The following TRIP4 variants were observed in gnomAD, a reference collection of about 807,000 sequenced individuals.
TRIP4 encodes the protein activating signal cointegrator 1.
In TRIP4, 54 loss-of-function variants were observed where a neutral mutation model predicts 81.8. The ratio of observed to expected loss-of-function variants is 0.66; its 90% CI spans 0.53 to 0.83. The LOEUF (loss-of-function observed/expected upper bound fraction) is 0.83, where lower values mean the gene tolerates loss of function less well. TRIP4 is among the 40% of genes least tolerant of loss of function. The pLI, the probability that TRIP4 is intolerant of heterozygous loss-of-function variation, is 0.00. For missense variants in TRIP4, 662 were observed against 683.6 expected, an observed-to-expected ratio of 0.97 and a Z score of 0.35; for synonymous variants, 270 against 242.8, an observed-to-expected ratio of 1.11 and a Z score of -1.04.
chr15:64,417,467 T>TA (rs35716489), intron 8 of TRIP4, among the ~76,000 whole-genome samples: 113,357 of 152,002 alleles, frequency 0.75, 45,762 homozygotes, highest in East Asian at 0.96. Flanking sequence ...ATTAATTTTT[T>TA]AAAAAAGATA....
intron 8 of TRIP4, among the ~76,000 whole-genome samples, chr15:64,416,408 A>G (rs1891891446): frequency 6.6e-6 from 1 of 152,162 alleles, no homozygotes; most frequent in Non-Finnish European, 1.5e-5. Context: ...AAGATTGTTC[A>G]CATACCAACA....
chr15:64,402,827 G>A (rs1252160387), intron 5 of TRIP4, among the ~76,000 whole-genome samples: 2 of 150,168 alleles, frequency 1.3e-5, no homozygotes, highest in East Asian at 4.0e-4. Flanking sequence ...CACTTGGTCA[G>A]TTAAGGACAT....
intron 7 of TRIP4, among the ~76,000 whole-genome samples, chr15:64,410,716 G>A (rs900214266): frequency 6.6e-6 from 1 of 152,020 alleles, no homozygotes; most frequent in Non-Finnish European, 1.5e-5. Context: ...AAATCCTGAA[G>A]TCATGAAGAT....
chr15:64,406,323 A>AT lies in TRIP4; in HGVS notation c.698-4dup. ...TGACACCATTTGACTTCCTTATTGA[A>AT]TTTCAGGAGTGGAGAATTCTGGAAA... On this transcript the variant is annotated splice_region_variant and splice_polypyrimidine_tract_variant and intron_variant, in intron 5 of 12. Coordinates refer to ENST00000261884, the MANE Select transcript of TRIP4 (RefSeq NM_016213.5). The AT allele has an allele frequency of 6.2e-7, 1 of 1,612,524 alleles. No homozygotes were observed. The highest frequency in any genetic ancestry group is 8.5e-7 in the Non-Finnish European group (1 of 1,179,562).
intron 9 of TRIP4, among the ~76,000 whole-genome samples, chr15:64,422,973 A>G (rs1892052783): frequency 6.6e-6 from 1 of 152,222 alleles, no homozygotes. Flanking sequence ...ATTTTCCATT[A>G]TAAGAATGGG....
chr15:64,423,886 G>C (rs1339224915), intron 9 of TRIP4, 145 bp from the exon 10 acceptor site: 7 of 903,916 alleles, frequency 7.7e-6, no homozygotes, highest in Non-Finnish European at 1.2e-5. Context: ...AAGTGTTTTT[G>C]ACAAAAGATA....
At chr15:64,399,256 C>A (rs752814646) in intron 4 of TRIP4, among the ~76,000 whole-genome samples, 1 of 151,380 alleles carries the variant, frequency 6.6e-6, no homozygotes, top group African/African-American at 2.4e-5. Context: ...CTGGTGGGAC[C>A]CTTAATTTTT....
rs568552817 is a variant in TRIP4, at chr15:64,423,102, T to C, written c.1359-929T>C. 2.0e-5 allele frequency among the ~76,000 whole-genome samples: 3 copies of C among 152,336 alleles called. No individual in the cohort carries two copies. In the South Asian group the frequency reaches 6.2e-4, roughly 32 times the overall value. ...TTCTCCTGAATACATTCTGTTATTC[T>C]CTTTAGAGGTTTTTTCAAACTAGTC... is the stretch of plus-strand genomic sequence containing the variant. On this transcript the variant is annotated intron_variant, in intron 9 of 12. Coordinates refer to ENST00000261884, the MANE Select transcript of TRIP4 (RefSeq NM_016213.5).
intron 1 of TRIP4, among the ~76,000 whole-genome samples, chr15:64,390,097 TATTA>T (rs1305780542): frequency 6.8e-6 from 1 of 147,790 alleles, no homozygotes; most frequent in Non-Finnish European, 1.5e-5. Context: ...ATATATTAAA[TATTA>T]AATATATCAA....
chr15:64,445,694 T>G (rs80353708), intron 12 of TRIP4, among the ~76,000 whole-genome samples: 1 of 149,572 alleles, frequency 6.7e-6, no homozygotes, highest in Non-Finnish European at 1.5e-5. Context: ...AAAAAAAATT[T>G]ATTGTGTTCT....
chr15:64,406,459 G>A lies in TRIP4; in HGVS notation c.827G>A (p.Ser276Asn), dbSNP rs1891625728. The A allele has an allele frequency of 6.2e-7, 1 of 1,612,464 alleles. No homozygotes were observed. The highest frequency in any genetic ancestry group is 8.5e-7 in the Non-Finnish European group (1 of 1,179,598). The change falls in exon 6 of 13, where the codon AGT (serine) becomes AAT (asparagine). Residue 276 changes from serine (S) to asparagine (N), a missense_variant and splice_region_variant. Coordinates refer to ENST00000261884, the MANE Select transcript of TRIP4 (RefSeq NM_016213.5). ...KDKLLEFDRT[S>N]IRRTQVIDDE... ...AAACTGTTAGAGTTTGACAGAACTA[G>A]GTATGAAAGGGTTAGAATAACAAAT...
chr15:64,400,738 T>C lies in TRIP4; in HGVS notation c.619-5T>C. On this transcript the variant is annotated splice_region_variant and splice_polypyrimidine_tract_variant and intron_variant, in intron 4 of 12. Transcript: ENST00000261884. ...ATCACATGTCTTACTCTTACTATTTTACAGGTGTGTACTCATGAGGAACAA... is the reference window on the plus strand; with the variant it reads ...ATCACATGTCTTACTCTTACTATTTCACAGGTGTGTACTCATGAGGAACAA... 6.2e-7 allele frequency: 1 copy of C among 1,612,474 alleles called. No homozygotes were observed. The highest frequency in any genetic ancestry group is 8.5e-7 in the Non-Finnish European group (1 of 1,178,628).
In TRIP4 at chr15:64,424,034, G is replaced by A. The variant is rs147579807; in HGVS notation, c.1362G>A (p.Val454=). The part of the protein sequence containing the change: ...ASLLVRGIKR[V]EGRSWYTPHR... ...ACTAAATTTCTATTTGTTTAAGGGT[G>A]GAGGGCAGATCCTGGTACACCCCCC... The change falls in exon 10 of 13, where the codon GTG becomes GTA. Residue 454 remains valine, a synonymous_variant. Transcript: ENST00000261884. 4 of 1,613,982 alleles carry A rather than the reference G, an allele frequency of 2.5e-6. No homozygotes were observed. In the African/African-American group the frequency reaches 5.3e-5, roughly 22 times the overall value.
At chr15:64,449,361 C>T (rs1456770692) in intron 12 of TRIP4, among the ~76,000 whole-genome samples, 1 of 147,900 alleles carries the variant, frequency 6.8e-6, no homozygotes, top group Non-Finnish European at 1.5e-5. Context: ...TAAATATATT[C>T]GAAATTCCAA....
chr15:64,437,888 T>TC (rs1185921559), intron 11 of TRIP4, among the ~76,000 whole-genome samples: 1 of 152,316 alleles, frequency 6.6e-6, no homozygotes, highest in East Asian at 1.9e-4. Context: ...ATTATGGTTG[T>TC]CCAGGTGAGT....
intron 9 of TRIP4, among the ~76,000 whole-genome samples, chr15:64,421,231 A>C (rs1892005081): frequency 6.6e-6 from 1 of 151,290 alleles, no homozygotes; most frequent in Non-Finnish European, 1.5e-5. Flanking sequence ...GCAGTGAGCC[A>C]AGATTGCATC....
At chr15:64,450,394 A>G (rs1015457229) in intron 12 of TRIP4, among the ~76,000 whole-genome samples, 3 of 122,330 alleles carry the variant, frequency 2.5e-5, no homozygotes, top group Non-Finnish European at 4.8e-5. Context: ...GTCTCAAAAG[A>G]AAAAAAAAAA....
chr15:64,421,289 A>C (rs1393005251), intron 9 of TRIP4, among the ~76,000 whole-genome samples: 3 of 151,368 alleles, frequency 2.0e-5, no homozygotes, highest in African/African-American at 7.3e-5. Flanking sequence ...CTGAAAAAAA[A>C]AAAATTATAA....
chr15:64,424,163 C>G lies in TRIP4; in HGVS notation c.1483+8C>G. The G allele has an allele frequency of 6.2e-7, 1 of 1,614,074 alleles. No homozygotes were observed. The highest frequency in any genetic ancestry group is 1.1e-5 in the South Asian group (1 of 91,080). Reference sequence around the variant, plus strand: ...GTCTTCTTCGTGGGAAAGGTAACAGCCGCATATTCTCCTTTCAATTTTACT... The same window carrying G: ...GTCTTCTTCGTGGGAAAGGTAACAGGCGCATATTCTCCTTTCAATTTTACT... On this transcript the variant is annotated splice_region_variant and intron_variant, in intron 10 of 12. Transcript: ENST00000261884.
Sources: gnomAD v4.1 joint callset for allele counts (sites outside exome capture counted in the v4.1 genomes callset) on GRCh38, gnomAD v4.1.1 for gene constraint, MANE v1.5 for transcripts, NCBI Gene and HGNC (gene_info 2026-07-23, HGNC 2026-07-21) for gene names.